Variants in TDRD3 observed in about 807,000 individuals in gnomAD.
TDRD3 encodes the protein tudor domain-containing protein 3.
In TDRD3, 45 loss-of-function variants were observed where a neutral mutation model predicts 86.7. The observed-to-expected ratio is 0.52, with a 90% confidence interval of 0.41 to 0.67. The LOEUF (loss-of-function observed/expected upper bound fraction) is 0.67, where lower values mean the gene tolerates loss of function less well. Among genes scored for constraint, TDRD3 ranks in the 30% least tolerant of loss-of-function variants. The pLI is 0.00. For synonymous variants in TDRD3, 298 were observed against 301.7 expected, an observed-to-expected ratio of 0.99 and a Z score of 0.13; for missense variants, 814 against 889.0, an observed-to-expected ratio of 0.92 and a Z score of 1.07.
rs1957171823 is a variant in TDRD3, at chr13:60,516,472, G to A, written c.1141+5717G>A. 3.9e-5 allele frequency among the ~76,000 whole-genome samples: 6 copies of A among 152,118 alleles called. 1 individual carries two copies. In the South Asian group the frequency reaches 1.2e-3, roughly 32 times the overall value. ...CGTTTTTATTAATATTCTGAAAAAA[G>A]TGAGGTTGGATTGCATTGTTTTCTG... On this transcript the variant is annotated intron_variant, in intron 10 of 13. Transcript: ENST00000377881.
intron 1 of TDRD3, among the ~76,000 whole-genome samples, chr13:60,402,653 T>C (rs989979326): frequency 6.6e-6 from 1 of 151,524 alleles, no homozygotes; most frequent in Non-Finnish European, 1.5e-5. Flanking sequence ...ATTAAAACAC[T>C]TTTTTAGATG....
intron 10 of TDRD3, among the ~76,000 whole-genome samples, chr13:60,519,865 C>CT (rs1566266664): frequency 6.6e-6 from 1 of 151,816 alleles, no homozygotes; most frequent in Non-Finnish European, 1.5e-5. Context: ...AAATTTTTTT[C>CT]TTTTTTGTAT....
intron 12 of TDRD3, among the ~76,000 whole-genome samples, chr13:60,562,391 G>A (rs1216143075): frequency 6.8e-6 from 1 of 147,088 alleles, no homozygotes; most frequent in Non-Finnish European, 1.5e-5. Flanking sequence ...TAATATAGAA[G>A]AATATTAGTA....
intron 5 of TDRD3, among the ~76,000 whole-genome samples, chr13:60,474,310 T>A (rs1445312538): frequency 6.6e-6 from 1 of 152,176 alleles, no homozygotes; most frequent in African/African-American, 2.4e-5. Context: ...TTGTATCCAA[T>A]AAATAACAGC....
At chr13:60,429,627 A>G (rs1954903021) in intron 1 of TDRD3, among the ~76,000 whole-genome samples, 1 of 152,160 alleles carries the variant, frequency 6.6e-6, no homozygotes, top group Non-Finnish European at 1.5e-5. Flanking sequence ...GTAAAACTGA[A>G]TGATTTAAAC....
intron 3 of TDRD3, among the ~76,000 whole-genome samples, chr13:60,456,718 TTGTG>T (rs756023832): frequency 6.6e-6 from 1 of 152,174 alleles, no homozygotes; most frequent in Non-Finnish European, 1.5e-5. Context: ...AGACACCTTT[TTGTG>T]TGTATGTGTG....
chr13:60,417,632 A>T (rs1156506523), intron 1 of TDRD3, among the ~76,000 whole-genome samples: 1 of 152,106 alleles, frequency 6.6e-6, no homozygotes, highest in Non-Finnish European at 1.5e-5. Flanking sequence ...GTGAGCCGCC[A>T]CACTGGCCGA....
intron 3 of TDRD3, among the ~76,000 whole-genome samples, chr13:60,455,157 C>T (rs1955638081): frequency 6.6e-6 from 1 of 152,218 alleles, no homozygotes. Flanking sequence ...AGGTGATCCG[C>T]CCACCTCAGC....
At chr13:60,450,768 G>C (rs1454364037) in intron 3 of TDRD3, among the ~76,000 whole-genome samples, 1 of 152,162 alleles carries the variant, frequency 6.6e-6, no homozygotes, top group Non-Finnish European at 1.5e-5. Flanking sequence ...TCAATGTAGT[G>C]AAACAAATGC....
intron 12 of TDRD3, among the ~76,000 whole-genome samples, chr13:60,555,836 A>C (rs1958169310): frequency 6.6e-6 from 1 of 150,914 alleles, no homozygotes; most frequent in Non-Finnish European, 1.5e-5. Flanking sequence ...AGGAAAAAAA[A>C]CCAACCTATT....
rs1318289966 is a variant in TDRD3 at position 60,509,892 on chromosome 13, A to G, written c.988A>G (p.Lys330Glu). 2 of 1,613,584 alleles carry G rather than the reference A, an allele frequency of 1.2e-6. No individual in the cohort carries two copies. Among genetic ancestry groups the G allele is most frequent in the African/African-American group, 1.3e-5 (1 of 74,908 alleles). Residue 330 changes from lysine to glutamate, a missense_variant, in exon 9 of 14, where the codon AAA (lysine) becomes GAA (glutamate). Lys to Glu is a moderately conservative substitution (Grantham distance 56). Coordinates refer to ENST00000377881, the MANE Select transcript of TDRD3 (RefSeq NM_001146070.2). ...LNVLLTSNKQKPVMGPPLRGR... is the reference protein window; with the variant it reads ...LNVLLTSNKQEPVMGPPLRGR... Reference sequence around the variant, plus strand: ...CGTACTTCTTACAAGCAATAAACAGAAACCTGTTATGGGTCCTCCTCTGAG... The same window carrying G: ...CGTACTTCTTACAAGCAATAAACAGGAACCTGTTATGGGTCCTCCTCTGAG...
chr13:60,498,002 C>T (rs1410294291), intron 8 of TDRD3, among the ~76,000 whole-genome samples: 1 of 151,792 alleles, frequency 6.6e-6, no homozygotes, highest in Non-Finnish European at 1.5e-5. Context: ...AAAAAAAAGG[C>T]TAATAGTTTA....
chr13:60,487,491 A>T (rs1192939059), intron 7 of TDRD3, among the ~76,000 whole-genome samples: 8 of 150,006 alleles, frequency 5.3e-5, no homozygotes, highest in African/African-American at 7.3e-5. Flanking sequence ...AATAAAAATT[A>T]AAAAAAAAAG....
At position 60,522,836 on chromosome 13, in the gene TDRD3, A is replaced by T. The variant is rs111306420; in HGVS notation, c.1142-5531A>T. On this transcript the variant is annotated intron_variant, in intron 10 of 13. Transcript: ENST00000377881. The stretch of plus-strand genomic sequence containing the variant: ...TCTACATCTCACCAGAAATGAACAG[A>T]TACAGGTGATAAAATTGAAGGTAAC... Among the ~76,000 whole-genome samples, 512 of 152,302 alleles carry T rather than the reference A, an allele frequency of 3.4e-3. 4 individuals carry two copies. Among genetic ancestry groups the T allele is most frequent in the African/African-American group, 0.012 (488 of 41,548 alleles).
intron 6 of TDRD3, 119 bp from the exon 7 acceptor site, chr13:60,485,680 T>C: frequency 1.3e-6 from 1 of 793,972 alleles, no homozygotes. Flanking sequence ...ATTTTATTTG[T>C]GTAGGCTTTT....
intron 1 of TDRD3, among the ~76,000 whole-genome samples, chr13:60,426,505 C>A (rs564328754): frequency 3.9e-5 from 6 of 152,070 alleles, no homozygotes; most frequent in Non-Finnish European, 8.8e-5. Flanking sequence ...CTATATGTAT[C>A]CTGTAACATC....
chr13:60,461,867 A>G (rs1955811225), intron 4 of TDRD3, among the ~76,000 whole-genome samples: 1 of 152,224 alleles, frequency 6.6e-6, no homozygotes, highest in African/African-American at 2.4e-5. Flanking sequence ...TAGCACATGC[A>G]GAGACACAGT....
intron 5 of TDRD3, among the ~76,000 whole-genome samples, chr13:60,478,502 A>G (rs1362538700): frequency 5.3e-5 from 8 of 151,908 alleles, no homozygotes; most frequent in East Asian, 3.9e-4. Context: ...ATGGGGTTTC[A>G]GAATGTTGGC....
intron 11 of TDRD3, among the ~76,000 whole-genome samples, chr13:60,530,290 A>C (rs1333806957): frequency 6.6e-6 from 1 of 152,140 alleles, no homozygotes; most frequent in Admixed American, 6.5e-5. Context: ...TCTGTTAATT[A>C]GTTAATTCTG....
Sources: allele counts gnomAD v4.1 joint callset (sites outside exome capture counted in the v4.1 genomes callset), GRCh38; gene constraint gnomAD v4.1.1; transcripts MANE v1.5; gene names NCBI Gene and HGNC (gene_info 2026-07-23, HGNC 2026-07-21).